RALYL: variants seen among roughly 807,000 people sequenced by gnomAD.
RALYL encodes RNA-binding Raly-like protein.
RALYL carries 29 observed loss-of-function variants against 35.1 expected under a neutral mutation model. That is an observed-to-expected ratio of 0.83 (90% CI 0.61 to 1.13). The LOEUF is 1.13. Among genes scored for constraint, RALYL ranks in the 50% most tolerant of loss-of-function variants. RALYL has a pLI of 0.00. For missense variants in RALYL, 359 were observed against 360.4 expected (o/e 1.00, Z 0.03); for synonymous variants, 120 against 127.6 (o/e 0.94, Z 0.40).
At chr8:84,686,636 C>T (rs1836859500) in intron 2 of RALYL, among the ~76,000 whole-genome samples, 1 of 152,098 alleles carries the variant, frequency 6.6e-6, no homozygotes, top group Non-Finnish European at 1.5e-5. Flanking sequence ...AACTCCTGAC[C>T]TCAAATGATC....
intron 2 of RALYL, among the ~76,000 whole-genome samples, chr8:84,548,845 G>A (rs2060531577): frequency 6.6e-6 from 1 of 151,780 alleles, no homozygotes; most frequent in African/African-American, 2.4e-5. Context: ...TTTATTCTAT[G>A]CAATTTCTTT....
chr8:84,535,319 GATC>G (rs1167345475), intron 2 of RALYL, among the ~76,000 whole-genome samples: 1 of 152,098 alleles, frequency 6.6e-6, no homozygotes. Flanking sequence ...TCAGCAGAGT[GATC>G]ATCAACTCTG....
At chr8:84,213,546 A>G (rs186429665) in intron 1 of RALYL, among the ~76,000 whole-genome samples, 6 of 152,334 alleles carry the variant, frequency 3.9e-5, no homozygotes, top group East Asian at 3.9e-4. Flanking sequence ...CTTTTAAAAT[A>G]TATTGTATTT....
intron 2 of RALYL, among the ~76,000 whole-genome samples, chr8:84,718,196 C>T (rs190894022): frequency 1.9e-4 from 29 of 152,150 alleles, no homozygotes; most frequent in East Asian, 7.7e-4. Flanking sequence ...TTTTGTTCTA[C>T]GTATTGAATG....
At chr8:84,613,841 T>C (rs1444452187) in intron 2 of RALYL, among the ~76,000 whole-genome samples, 1 of 149,346 alleles carries the variant, frequency 6.7e-6, no homozygotes, top group Non-Finnish European at 1.5e-5. Context: ...GTTTTTACTT[T>C]AAACAATTTT....
At chr8:84,287,222 T>G (rs978121643) in intron 1 of RALYL, among the ~76,000 whole-genome samples, 1 of 152,114 alleles carries the variant, frequency 6.6e-6, no homozygotes, top group Admixed American at 6.6e-5. Flanking sequence ...TATGATAGGC[T>G]AAACAATTTA....
At chr8:84,710,124 T>A (rs567726263) in intron 2 of RALYL, among the ~76,000 whole-genome samples, 6 of 152,186 alleles carry the variant, frequency 3.9e-5, no homozygotes, top group Admixed American at 2.0e-4. Context: ...TATTCTCTTA[T>A]CTCTATGCCT....
chr8:84,470,970 T>C (rs1384505461), intron 1 of RALYL, among the ~76,000 whole-genome samples: 13 of 152,172 alleles, frequency 8.5e-5, no homozygotes, highest in Admixed American at 8.5e-4. Flanking sequence ...CTTCCCCAAA[T>C]TGGAACCTGT....
chr8:84,591,791 C>T (rs1382454683), intron 2 of RALYL, among the ~76,000 whole-genome samples: 2 of 152,048 alleles, frequency 1.3e-5, no homozygotes, highest in African/African-American at 2.4e-5. Context: ...AGAAAGAACA[C>T]GGAAAAGCAA....
intron 1 of RALYL, among the ~76,000 whole-genome samples, chr8:84,395,205 C>T (rs997546801): frequency 1.3e-5 from 2 of 151,776 alleles, no homozygotes; most frequent in Non-Finnish European, 3.0e-5. Flanking sequence ...TACATATATA[C>T]ATACATGTAG....
intron 1 of RALYL, among the ~76,000 whole-genome samples, chr8:84,495,660 AT>A (rs2055919389): frequency 6.6e-6 from 1 of 152,000 alleles, no homozygotes; most frequent in South Asian, 2.1e-4. Flanking sequence ...TTGACCTTTC[AT>A]TTTTGTTTAC....
chr8:84,853,056 T>C (rs993357165), intron 5 of RALYL, among the ~76,000 whole-genome samples: 1 of 152,232 alleles, frequency 6.6e-6, no homozygotes, highest in Non-Finnish European at 1.5e-5. Flanking sequence ...GATATGGAGA[T>C]ATCAAGACAT....
At chr8:84,193,636 T>C (rs1814520499) in intron 1 of RALYL, among the ~76,000 whole-genome samples, 1 of 152,162 alleles carries the variant, frequency 6.6e-6, no homozygotes, top group African/African-American at 2.4e-5. Flanking sequence ...TGAAATTAAC[T>C]GGTATGGAGA....
intron 1 of RALYL, among the ~76,000 whole-genome samples, chr8:84,289,117 GT>G (rs1838251315): frequency 6.6e-6 from 1 of 152,198 alleles, no homozygotes; most frequent in African/African-American, 2.4e-5. Flanking sequence ...ACAGGAGGTA[GT>G]TTCATAATTA....
At chr8:84,533,027 G>A (rs1205994809) in intron 2 of RALYL, among the ~76,000 whole-genome samples, 1 of 152,000 alleles carries the variant, frequency 6.6e-6, no homozygotes, top group East Asian at 1.9e-4. Context: ...ATTACTTAGG[G>A]ATTCCTAAAA....
intron 1 of RALYL, among the ~76,000 whole-genome samples, chr8:84,267,128 G>C (rs113589445): frequency 2.6e-5 from 4 of 152,106 alleles, no homozygotes; most frequent in Non-Finnish European, 4.4e-5. Context: ...TAACAGGAAA[G>C]GGCAGAGTGA....
intron 1 of RALYL, among the ~76,000 whole-genome samples, chr8:84,371,313 G>T (rs1418276949): frequency 6.6e-6 from 1 of 151,920 alleles, no homozygotes; most frequent in Non-Finnish European, 1.5e-5. Context: ...GATTTTAAAA[G>T]ATTTTTAGTA....
At chr8:84,353,190 T>C (rs555764283) in intron 1 of RALYL, among the ~76,000 whole-genome samples, 1 of 150,296 alleles carries the variant, frequency 6.7e-6, no homozygotes, top group Non-Finnish European at 1.5e-5. Flanking sequence ...GCACCCTCTA[T>C]GTCCCGGACT....
At chr8:84,309,981 G>T (rs946980482) in intron 1 of RALYL, among the ~76,000 whole-genome samples, 1 of 151,906 alleles carries the variant, frequency 6.6e-6, no homozygotes. Context: ...CCTGCCTTGG[G>T]CTCCCAAAGT....
Sources: allele counts gnomAD v4.1 joint callset (sites outside exome capture counted in the v4.1 genomes callset), GRCh38; gene constraint gnomAD v4.1.1; transcripts MANE v1.5; gene names NCBI Gene and HGNC (gene_info 2026-07-23, HGNC 2026-07-21).